MSH4: variants seen among roughly 807,000 people sequenced by gnomAD.
MSH4 encodes mutS protein homolog 4.
MSH4 carries 106 observed loss-of-function variants against 113.7 expected under a neutral mutation model. The observed-to-expected ratio is 0.93, with a 90% CI of 0.80 to 1.10. The LOEUF (loss-of-function observed/expected upper bound fraction) is 1.10, where lower values mean the gene tolerates loss of function less well. MSH4 is among the 50% of genes least tolerant of loss of function. The pLI is 0.00. For synonymous variants in MSH4, 368 were observed against 380.2 expected, an observed-to-expected ratio of 0.97 and a Z score of 0.37; for missense variants, 1,061 against 1,093.7, an observed-to-expected ratio of 0.97 and a Z score of 0.42.
intron 19 of MSH4, among the ~76,000 whole-genome samples, chr1:75,908,624 A>C (rs371367529): frequency 9.9e-5 from 15 of 152,174 alleles, no homozygotes; most frequent in East Asian, 5.8e-4. Context: ...ATTTGGGGAG[A>C]TCATAGTTTC....
chr1:75,872,202 G>A (rs1342111637), intron 9 of MSH4, among the ~76,000 whole-genome samples: 1 of 152,116 alleles, frequency 6.6e-6, no homozygotes, highest in Non-Finnish European at 1.5e-5. Flanking sequence ...CCCACAAAGG[G>A]TAACACAATG....
At chr1:75,805,553 A>AG (rs766943221) in intron 2 of MSH4, among the ~76,000 whole-genome samples, 6 of 43,160 alleles carry the variant, frequency 1.4e-4, no homozygotes, top group Admixed American at 9.2e-4. Flanking sequence ...ATGCTCAGCC[A>AG]ATTTTTTTTT....
chr1:75,814,615 G>A (rs1377240457), intron 4 of MSH4, among the ~76,000 whole-genome samples: 1 of 152,050 alleles, frequency 6.6e-6, no homozygotes, highest in African/African-American at 2.4e-5. Context: ...ACTATGGAAA[G>A]ATGAATATAA....
intron 7 of MSH4, among the ~76,000 whole-genome samples, chr1:75,839,356 A>G (rs1650900284): frequency 6.6e-6 from 1 of 152,062 alleles, no homozygotes; most frequent in African/African-American, 2.4e-5. Context: ...CTGGGATTAC[A>G]GGCGCCCACC....
chr1:75,834,012 A>G (rs1016558217), intron 7 of MSH4, among the ~76,000 whole-genome samples: 1 of 152,246 alleles, frequency 6.6e-6, no homozygotes, highest in Non-Finnish European at 1.5e-5. Context: ...ACAGAATGGG[A>G]GAAAATTTTA....
At position 75,893,511 on chromosome 1, in the gene MSH4, G is replaced by C. The variant is rs1177266620; in HGVS notation, c.2355+2687G>C. ...ATGAGTTGTCTTTGCCAGTAGAAGA[G>C]ACCACTTCACCGCATCTGAGGGGAT... On this transcript the variant is annotated intron_variant, in intron 17 of 19. Coordinates refer to ENST00000263187, the MANE Select transcript of MSH4 (RefSeq NM_002440.4). Among the ~76,000 whole-genome samples, 6 of 152,134 alleles carry C rather than the reference G, an allele frequency of 3.9e-5. No individual in the cohort carries two copies. In the East Asian group the frequency reaches 1.2e-3, roughly 29 times the overall value.
At chr1:75,835,514 A>G (rs191278483) in intron 7 of MSH4, among the ~76,000 whole-genome samples, 177 of 152,302 alleles carry the variant, frequency 1.2e-3, no homozygotes, top group African/African-American at 4.1e-3. Context: ...TTCTGCTACC[A>G]AATATGCATT....
intron 17 of MSH4, among the ~76,000 whole-genome samples, chr1:75,896,363 ACACAC>A (rs1652383491): frequency 1.9e-5 from 1 of 54,024 alleles, no homozygotes; most frequent in East Asian, 3.8e-4. Flanking sequence ...ACACACACAC[ACACAC>A]ACACACACAC....
chr1:75,907,685 T>TAC (rs1553140554), intron 19 of MSH4, among the ~76,000 whole-genome samples: 1 of 60,908 alleles, frequency 1.6e-5, no homozygotes, highest in South Asian at 7.8e-4. Context: ...TCTCTCTCTC[T>TAC]ATACATATAT....
At chr1:75,903,966 C>T (rs1652565134) in intron 19 of MSH4, among the ~76,000 whole-genome samples, 1 of 152,040 alleles carries the variant, frequency 6.6e-6, no homozygotes. Context: ...AAAGACTTTC[C>T]ATTTTTACTC....
chr1:75,872,660 C>T (rs2100565592), intron 9 of MSH4, among the ~76,000 whole-genome samples: 1 of 152,246 alleles, frequency 6.6e-6, no homozygotes, highest in South Asian at 2.1e-4. Context: ...ACACATGCCA[C>T]TTAATGGTAT....
At chr1:75,856,702 G>A (rs1651326040) in intron 8 of MSH4, among the ~76,000 whole-genome samples, 1 of 152,202 alleles carries the variant, frequency 6.6e-6, no homozygotes, top group South Asian at 2.1e-4. Context: ...GGACATGTGA[G>A]TTGGTTCCAA....
intron 9 of MSH4, 73 bp downstream of exon 9, chr1:75,867,661 A>T (rs768889347): frequency 3.0e-6 from 3 of 988,102 alleles, no homozygotes; most frequent in Non-Finnish European, 3.0e-6. Flanking sequence ...AAAAAATTTC[A>T]AACTCGGAAA....
At chr1:75,853,909 A>G (rs1651251252) in intron 8 of MSH4, among the ~76,000 whole-genome samples, 1 of 151,216 alleles carries the variant, frequency 6.6e-6, no homozygotes. Flanking sequence ...CATTTTAGTA[A>G]GGAATGGTAT....
chr1:75,870,560 C>T (rs1000959752), intron 9 of MSH4, among the ~76,000 whole-genome samples: 2 of 152,072 alleles, frequency 1.3e-5, no homozygotes, highest in African/African-American at 4.8e-5. Flanking sequence ...CCCATGTTCT[C>T]CTGGTAGTGA....
At chr1:75,874,891 T>A (rs1423543097) in intron 9 of MSH4, among the ~76,000 whole-genome samples, 1 of 152,066 alleles carries the variant, frequency 6.6e-6, no homozygotes, top group African/African-American at 2.4e-5. Flanking sequence ...TTAAAGTTTG[T>A]ATTTATTTAT....
Position 75,912,670 on chromosome 1 carries a change from ATATATTT to A in MSH4, c.2620-24_2620-18del. On this transcript the variant is annotated intron_variant, in intron 19 of 19. Coordinates refer to ENST00000263187, the MANE Select transcript of MSH4 (RefSeq NM_002440.4). Reference sequence around the variant, plus strand: ...AATTATGGTATTTGTGTATATATATATATATTTTTTTTTTTTCAATGACAGCAAAACC... The same window carrying A: ...AATTATGGTATTTGTGTATATATATATTTTTTTTTCAATGACAGCAAAACC... 1 of 1,243,986 alleles carries A rather than the reference ATATATTT, an allele frequency of 8.0e-7. No homozygotes were observed. Among genetic ancestry groups the A allele is most frequent in the Non-Finnish European group, 1.0e-6 (1 of 958,662 alleles). 77.1% of individuals were successfully genotyped at this position (1,243,986 alleles called of 1,614,324 possible). A position where few individuals can be genotyped will look rare whatever the true frequency, so the allele number is the denominator to read the frequency against.
intron 8 of MSH4, among the ~76,000 whole-genome samples, chr1:75,861,346 C>T (rs1353684249): frequency 1.3e-5 from 2 of 152,164 alleles, no homozygotes; most frequent in Non-Finnish European, 2.9e-5. Flanking sequence ...AAAAGGTGTT[C>T]TGGTTTTTGG....
chr1:75,845,154 A>G (rs1238336245), intron 7 of MSH4, among the ~76,000 whole-genome samples: 1 of 152,240 alleles, frequency 6.6e-6, no homozygotes, highest in African/African-American at 2.4e-5. Context: ...TTTCTAATGC[A>G]TGAACTTTGG....
Sources: gnomAD v4.1 joint callset for allele counts (sites outside exome capture counted in the v4.1 genomes callset) on GRCh38, gnomAD v4.1.1 for gene constraint, MANE v1.5 for transcripts, NCBI Gene and HGNC (gene_info 2026-07-23, HGNC 2026-07-21) for gene names.